The following KLF8 variants were observed in gnomAD, a reference collection of about 807,000 sequenced individuals.
The protein encoded by KLF8 is Krueppel-like factor 8.
A neutral mutation model predicts 18.2 loss-of-function variants in KLF8; 10 were observed. The observed-to-expected ratio is 0.55, with a 90% CI of 0.34 to 0.93. The LOEUF (loss-of-function observed/expected upper bound fraction) is 0.93, where lower values mean the gene tolerates loss of function less well. Among genes scored for constraint, KLF8 ranks in the 40% least tolerant of loss-of-function variants. The pLI is 0.02. For synonymous variants in KLF8, 109 were observed against 97.3 expected (o/e 1.12, Z -0.71); for missense variants, 264 against 277.9 (o/e 0.95, Z 0.36).
the KLF8 span, among the ~76,000 whole-genome samples, chrX:56,068,620 C>T: frequency 9.0e-6 from 1 of 111,438 alleles, no homozygotes; most frequent in African/African-American, 3.3e-5. Context: ...CCAACAGCTT[C>T]GTTTCTGTGT....
the KLF8 span, among the ~76,000 whole-genome samples, chrX:56,011,154 AC>A: frequency 8.9e-6 from 1 of 112,312 alleles, no homozygotes; most frequent in Admixed American, 9.4e-5. Flanking sequence ...CTACCCAAAA[AC>A]AACAGAGTAT....
chrX:56,104,304 G>A, the KLF8 span, among the ~76,000 whole-genome samples: 325 of 111,278 alleles, frequency 2.9e-3, 3 homozygotes, highest in African/African-American at 0.01. Context: ...GCTCCTCCTT[G>A]TACCTCTGGT....
At chrX:56,141,941 G>A in the KLF8 span, among the ~76,000 whole-genome samples, 10 of 111,868 alleles carry the variant, frequency 8.9e-5, 1 homozygote, top group African/African-American at 2.9e-4. Flanking sequence ...TGTTTTCAGC[G>A]AAGACAAATT....
chrX:55,939,748 C>G, the KLF8 span, among the ~76,000 whole-genome samples: 1 of 111,813 alleles, frequency 8.9e-6, no homozygotes, highest in Admixed American at 9.5e-5. Flanking sequence ...CTATAAACAC[C>G]TCCACGCAAA....
the KLF8 span, among the ~76,000 whole-genome samples, chrX:56,010,967 G>A: frequency 8.9e-6 from 1 of 112,258 alleles, no homozygotes; most frequent in African/African-American, 3.2e-5. Flanking sequence ...ACAGATTCAT[G>A]AAAGAAATTC....
the KLF8 span, among the ~76,000 whole-genome samples, chrX:56,123,318 G>GAAAAGA: frequency 8.1e-5 from 9 of 110,729 alleles, no homozygotes; most frequent in African/African-American, 2.3e-4. Flanking sequence ...AGAAAGAAAA[G>GAAAAGA]AAAGAAAGAA....
At chrX:56,027,537 A>C in the KLF8 span, among the ~76,000 whole-genome samples, 4 of 112,457 alleles carry the variant, frequency 3.6e-5, no homozygotes, top group Non-Finnish European at 7.5e-5. Flanking sequence ...ACCTTCACTG[A>C]GTTCTAGAGC....
At chrX:56,038,456 A>C in the KLF8 span, among the ~76,000 whole-genome samples, 28 of 111,888 alleles carry the variant, frequency 2.5e-4, 1 homozygote, top group Non-Finnish European at 4.9e-4. Flanking sequence ...CACATTTATG[A>C]GTGAGAACAT....
the KLF8 span, among the ~76,000 whole-genome samples, chrX:56,010,944 C>T: frequency 8.9e-6 from 1 of 112,263 alleles, no homozygotes; most frequent in Non-Finnish European, 1.9e-5. Flanking sequence ...ATATGTGTAT[C>T]CAACACAGGA....
At chrX:56,203,809 C>A in the KLF8 span, among the ~76,000 whole-genome samples, 1 of 111,553 alleles carries the variant, frequency 9.0e-6, no homozygotes, top group African/African-American at 3.3e-5. Flanking sequence ...CAGTACCATG[C>A]TGTTTTGGTT....
chrX:56,162,686 G>A, the KLF8 span, among the ~76,000 whole-genome samples: 50 of 111,717 alleles, frequency 4.5e-4, no homozygotes, highest in African/African-American at 1.6e-3. Flanking sequence ...CTTTGACTAG[G>A]AAAGGGAATT....
the KLF8 span, among the ~76,000 whole-genome samples, chrX:56,224,816 C>G: frequency 9.0e-6 from 1 of 111,628 alleles, no homozygotes; most frequent in Admixed American, 9.6e-5. Flanking sequence ...TTATTTACCA[C>G]AGTTCTGGAG....
the KLF8 span, among the ~76,000 whole-genome samples, chrX:55,991,404 C>T: frequency 1.2e-4 from 13 of 112,010 alleles, no homozygotes; most frequent in South Asian, 3.7e-4. Context: ...CATCTGTCAC[C>T]GCTTTCTTTG....
the KLF8 span, among the ~76,000 whole-genome samples, chrX:56,084,124 T>C: frequency 9.8e-4 from 110 of 112,009 alleles, no homozygotes; most frequent in African/African-American, 3.5e-3. Flanking sequence ...ATGATGCCTG[T>C]AATCCTAGCA....
the KLF8 span, among the ~76,000 whole-genome samples, chrX:55,988,854 T>C: frequency 8.9e-6 from 1 of 111,771 alleles, no homozygotes; most frequent in South Asian, 3.7e-4. Context: ...TTCTTTCATT[T>C]GTTTGTATCC....
chrX:56,008,925 A>G, the KLF8 span, among the ~76,000 whole-genome samples: 1 of 111,970 alleles, frequency 8.9e-6, no homozygotes. Context: ...GGTTTTGCAG[A>G]CAGAAGTCTG....
the KLF8 span, among the ~76,000 whole-genome samples, chrX:56,104,703 T>C: frequency 9.0e-6 from 1 of 111,643 alleles, no homozygotes; most frequent in East Asian, 2.8e-4. Context: ...GTTTTTTGTG[T>C]CTCTATCTCC....
At chrX:56,195,655 T>C in the KLF8 span, among the ~76,000 whole-genome samples, 1 of 112,065 alleles carries the variant, frequency 8.9e-6, no homozygotes, top group African/African-American at 3.2e-5. Context: ...TGGAAAAGAC[T>C]CTTCAAGATA....
chrX:56,140,691 C>T, the KLF8 span, among the ~76,000 whole-genome samples: 7 of 105,950 alleles, frequency 6.6e-5, no homozygotes, highest in African/African-American at 2.4e-4. Context: ...ATCTGTACAC[C>T]AAACCTTCAT....
Sources: gnomAD v4.1 joint callset for allele counts (sites outside exome capture counted in the v4.1 genomes callset) on GRCh38, gnomAD v4.1.1 for gene constraint, MANE v1.5 for transcripts, NCBI Gene and HGNC (gene_info 2026-07-23, HGNC 2026-07-21) for gene names.